Variants in TRPM2 observed in about 807,000 individuals in gnomAD.
TRPM2 encodes the protein transient receptor potential cation channel subfamily M member 2, also known as estrogen-responsive element-associated gene 1 protein.
TRPM2 carries 161 observed loss-of-function variants against 174.0 expected under a neutral mutation model. The observed-to-expected ratio is 0.93, with a 90% CI of 0.81 to 1.05. The LOEUF (loss-of-function observed/expected upper bound fraction) is 1.05, where lower values mean the gene tolerates loss of function less well. Among genes scored for constraint, TRPM2 ranks in the 50% least tolerant of loss-of-function variants. The probability of loss-of-function intolerance (pLI) is 0.00; values close to 1 mark genes in which losing one functional copy is unlikely to be tolerated. For synonymous variants in TRPM2, 954 were observed against 861.3 expected, an observed-to-expected ratio of 1.11 and a Z score of -1.88; for missense variants, 2,057 against 2,038.0, an observed-to-expected ratio of 1.01 and a Z score of -0.18.
At position 44,417,900 on chromosome 21, in the gene TRPM2, G is replaced by A. The variant is rs374169628; in HGVS notation, c.3147-27G>A. ...TGTTCTGGGTAAACACCCTGACCTC[G>A]AGGTGTTGCTTTCTCCTCCCTGACA... is the stretch of plus-strand genomic sequence containing the variant. On this transcript the variant is annotated intron_variant, in intron 20 of 31. Coordinates refer to ENST00000397928, the MANE Select transcript of TRPM2 (RefSeq NM_003307.4). 1.8e-4 allele frequency: 286 copies of A among 1,601,156 alleles called. 2 individuals are homozygous for A. In the Middle Eastern group the frequency reaches 4.6e-3, roughly 26 times the overall value.
In TRPM2 at chr21:44,376,523, A is replaced by G. The variant is rs893469927; in HGVS notation, c.952+510A>G. On this transcript the variant is annotated intron_variant, in intron 6 of 31. Transcript: ENST00000397928. This position sits in a 1 kb window ranked among gnomAD's most constrained non-coding sequence, Gnocchi z 4.2. ...ACCCTCCCAAAGTGCTGGGATTACA[A>G]GCTTGAACCACTGTGCCTGGCCCTA... Among the ~76,000 whole-genome samples, 30 of 152,162 alleles carry G rather than the reference A, an allele frequency of 2.0e-4. No individual in the cohort carries two copies. The highest frequency in any genetic ancestry group is 7.2e-4 in the Admixed American group (11 of 15,282).
In TRPM2 at chr21:44,405,891, T is replaced by C; in HGVS notation, c.2658-14T>C. On this transcript the variant is annotated splice_polypyrimidine_tract_variant and intron_variant, in intron 17 of 31. Coordinates refer to ENST00000397928, the MANE Select transcript of TRPM2 (RefSeq NM_003307.4). ...CAGGTGGCTGAGATGTGTGTGCTTCTGCCCGGCGGCCAGGCTCATCCCGGC... is the reference window on the plus strand; with the variant it reads ...CAGGTGGCTGAGATGTGTGTGCTTCCGCCCGGCGGCCAGGCTCATCCCGGC... 1 of 1,598,754 alleles carries C rather than the reference T, an allele frequency of 6.3e-7. No homozygotes were observed. Among genetic ancestry groups the C allele is most frequent in the Middle Eastern group, 1.7e-4 (1 of 6,042 alleles).
intron 23 of TRPM2, 63 bp from the exon 24 acceptor site, chr21:44,424,789 G>C: frequency 8.8e-7 from 1 of 1,138,330 alleles, no homozygotes; most frequent in Non-Finnish European, 1.2e-6. Context: ...TCGGTGGGCA[G>C]TGGGGTGTGT....
chr21:44,393,477 G>A (rs1215266230), intron 11 of TRPM2, among the ~76,000 whole-genome samples: 1 of 152,104 alleles, frequency 6.6e-6, no homozygotes, highest in Non-Finnish European at 1.5e-5. Context: ...AATGCTTAAG[G>A]CTTTGATTGC....
In TRPM2 at chr21:44,368,646, G is replaced by T. The variant is rs558785474; in HGVS notation, c.605-531G>T. ...GGGGTTTCACCATGTTGGCCAGGCT[G>T]GTCTCGAACTCCTGACCTCAGGTGA... On this transcript the variant is annotated intron_variant, in intron 4 of 31. Coordinates refer to ENST00000397928, the MANE Select transcript of TRPM2 (RefSeq NM_003307.4). Among the ~76,000 whole-genome samples the T allele has an allele frequency of 2.0e-5, 3 of 151,828 alleles. No homozygotes were observed. In the South Asian group the frequency reaches 6.2e-4, roughly 32 times the overall value.
At chr21:44,393,698 T>C (rs2049251649) in intron 11 of TRPM2, among the ~76,000 whole-genome samples, 1 of 152,042 alleles carries the variant, frequency 6.6e-6, no homozygotes, top group African/African-American at 2.4e-5. Context: ...TCTAGTAACT[T>C]TCTCAGTTTC....
chr21:44,424,794 G>A, intron 23 of TRPM2, 58 bp from the exon 24 acceptor site: 2 of 1,246,154 alleles, frequency 1.6e-6, no homozygotes, highest in Non-Finnish European at 1.1e-6. Flanking sequence ...GGGCAGTGGG[G>A]TGTGTACCAT....
Position 44,385,822 on chromosome 21 carries a change from G to A in TRPM2, c.1318+3002G>A, listed in dbSNP as rs187010420. 2.0e-5 allele frequency among the ~76,000 whole-genome samples: 3 copies of A among 152,294 alleles called. No individual in the cohort carries two copies. The East Asian group carries it at 5.8e-4, about 29-fold the overall frequency. On this transcript the variant is annotated intron_variant, in intron 9 of 31. Transcript: ENST00000397928. ...GAAGAGGTGCCAAATGAAGAAGGAA[G>A]AGCCCCTTCTAAAACCATCAGATCT...
Position 44,441,861 on chromosome 21 carries a change from C to T in TRPM2, c.*44C>T, listed in dbSNP as rs371462007. ...CGGCTCCAGTCCATAGACGTTCCCC[C>T]CAGAAACCAGGGCTTCTCTCTCCTG... On this transcript the variant is annotated 3_prime_UTR_variant, in exon 32 of 32. Transcript: ENST00000397928. 9.1e-6 allele frequency: 14 copies of T among 1,546,600 alleles called. No individual in the cohort carries two copies. The African/African-American group carries it at 1.4e-4, about 15-fold the overall frequency.
At chr21:44,351,884 T>C (rs2047931824), upstream of TRPM2, among the ~76,000 whole-genome samples, 1 of 152,206 alleles carries the variant, frequency 6.6e-6, no homozygotes, top group African/African-American at 2.4e-5. Context: ...CCAGGGGCTG[T>C]GCTGAGGTGG....
At chr21:44,429,593 AT>A (rs945553905) in intron 27 of TRPM2, among the ~76,000 whole-genome samples, 23 of 151,778 alleles carry the variant, frequency 1.5e-4, no homozygotes, top group Admixed American at 2.6e-4. Context: ...GGTGTATAAC[AT>A]TTTTTTATAT....
At chr21:44,369,012 C>A in intron 4 of TRPM2, 165 bp from the exon 5 acceptor site, 2 of 714,992 alleles carry the variant, frequency 2.8e-6, no homozygotes, top group Non-Finnish European at 4.3e-6. Flanking sequence ...CGCGTGGGAA[C>A]CTCGGTTCCT....
At chr21:44,387,823 G>C (rs2049056280) in intron 9 of TRPM2, among the ~76,000 whole-genome samples, 1 of 152,172 alleles carries the variant, frequency 6.6e-6, no homozygotes, top group African/African-American at 2.4e-5. Context: ...TTAGAGAAAT[G>C]CAGATCAAAA....
At position 44,395,733 on chromosome 21, in the gene TRPM2, A is replaced by C. The variant is rs78207036; in HGVS notation, c.1932+182A>C. Among the ~76,000 whole-genome samples the C allele has an allele frequency of 3.2e-3, 8 of 2,532 alleles. 1 individual carries two copies. Among genetic ancestry groups the C allele is most frequent in the South Asian group, 0.038 (2 of 52 alleles). 1.7% of individuals were successfully genotyped at this position (2,532 alleles called of 152,430 possible). ...GAGGGGTGTGGAGGGCTGTGGAGGG[A>C]TGTGGAGGCTGTGGAGGGGTGTGGA... On this transcript the variant is annotated intron_variant, in intron 12 of 31. Coordinates refer to ENST00000397928, the MANE Select transcript of TRPM2 (RefSeq NM_003307.4).
At position 44,373,196 on chromosome 21, in the gene TRPM2, GT is replaced by G. The variant is rs539074583; in HGVS notation, c.772-2627del. Among the ~76,000 whole-genome samples the G allele has an allele frequency of 2.6e-4, 39 of 147,684 alleles. No homozygotes were observed. In the South Asian group the frequency reaches 7.3e-3, roughly 28 times the overall value. ...TTGGCCCTCTCTCTTTTTTCTTTTT[GT>G]TTTTTTTTTGAGACAGTCTCACTCT... On this transcript the variant is annotated intron_variant, in intron 5 of 31. Transcript: ENST00000397928.
At chr21:44,415,868 G>A (rs1397119864) in intron 20 of TRPM2, 1 of 152,010 alleles carries the variant, frequency 6.6e-6, no homozygotes, top group Admixed American at 6.6e-5. Context: ...GGCTTTGGGG[G>A]TTCTGTTTTG....
intron 3 of TRPM2, among the ~76,000 whole-genome samples, chr21:44,364,516 G>A (rs1024916057): frequency 6.6e-6 from 1 of 152,214 alleles, no homozygotes; most frequent in African/African-American, 2.4e-5. Context: ...GGCACAGTGA[G>A]CTTTCTAGGA....
At chr21:44,411,504 A>G (rs2050105061) in intron 19 of TRPM2, among the ~76,000 whole-genome samples, 2 of 152,192 alleles carry the variant, frequency 1.3e-5, no homozygotes, top group Admixed American at 6.6e-5. Flanking sequence ...TGGATTTGTC[A>G]TATACGAGAC....
chr21:44,401,922 G>C, intron 16 of TRPM2, 25 bp downstream of exon 16: 1 of 1,612,674 alleles, frequency 6.2e-7, no homozygotes, highest in East Asian at 2.2e-5. Context: ...GCTTTTCCAC[G>C]CCCCAGCCCG....
Sources: allele counts gnomAD v4.1 joint callset (sites outside exome capture counted in the v4.1 genomes callset), GRCh38; gene constraint gnomAD v4.1.1; non-coding constraint Gnocchi (gnomAD v3.1); transcripts MANE v1.5; gene names NCBI Gene and HGNC (gene_info 2026-07-23, HGNC 2026-07-21).